NAALADL2: variants seen among roughly 807,000 people sequenced by gnomAD.
NAALADL2 encodes N-acetylated alpha-linked acidic dipeptidase like 2, also known as inactive N-acetylated-alpha-linked acidic dipeptidase-like protein 2.
In NAALADL2, 76 loss-of-function variants were observed where a neutral mutation model predicts 87.2. The ratio of observed to expected loss-of-function variants is 0.87; its 90% CI spans 0.72 to 1.05. The LOEUF (loss-of-function observed/expected upper bound fraction) is 1.05. Ranked by LOEUF, NAALADL2 falls within the 50% of genes least tolerant of loss-of-function variation. The pLI is 0.00. For missense variants in NAALADL2, 1,089 were observed against 945.8 expected (o/e 1.15, Z -1.99); for synonymous variants, 354 against 331.0 (o/e 1.07, Z -0.75).
rs149959608 is a variant in NAALADL2 at position 175,144,380 on chromosome 3, A to T, written c.545+47089A>T. 5.1e-4 allele frequency among the ~76,000 whole-genome samples: 78 copies of T among 152,094 alleles called. No individual in the cohort carries two copies. The East Asian group carries it at 8.5e-3, about 17-fold the overall frequency. On this transcript the variant is annotated intron_variant, in intron 2 of 13. Transcript: ENST00000454872. Reference sequence around the variant, plus strand: ...AAGATTGATTGGAAAACAGGAATTGATTATTGTAGAAAAAGCCCATTCATC... The same window carrying T: ...AAGATTGATTGGAAAACAGGAATTGTTTATTGTAGAAAAAGCCCATTCATC...
At chr3:174,534,832 A>G (rs1241389331) in intron 1 of NAALADL2, among the ~76,000 whole-genome samples, 1 of 152,134 alleles carries the variant, frequency 6.6e-6, no homozygotes, top group Non-Finnish European at 1.5e-5. Context: ...AAAAAAAGTG[A>G]TTTGTTTGGG....
chr3:174,850,841 A>G (rs1166008815), intron 3 of NAALADL2, among the ~76,000 whole-genome samples: 2 of 152,154 alleles, frequency 1.3e-5, no homozygotes, highest in Non-Finnish European at 2.9e-5. Flanking sequence ...AACATTCTCA[A>G]TGATAGACCA....
chr3:174,938,993 G>A (rs1738159320), intron 1 of NAALADL2, among the ~76,000 whole-genome samples: 1 of 151,840 alleles, frequency 6.6e-6, no homozygotes, highest in Non-Finnish European at 1.5e-5. Context: ...CTTTTGCTGT[G>A]CAGAAGCTCT....
intron 2 of NAALADL2, among the ~76,000 whole-genome samples, chr3:174,632,740 C>A (rs1712241245): frequency 6.6e-6 from 1 of 151,810 alleles, no homozygotes; most frequent in Non-Finnish European, 1.5e-5. Flanking sequence ...TCGAGACCAT[C>A]CTGGTCAAAT....
chr3:175,423,032 T>A (rs71629256), intron 5 of NAALADL2, among the ~76,000 whole-genome samples: 12,558 of 39,442 alleles, frequency 0.32, 752 homozygotes, highest in East Asian at 0.38. Context: ...AAAAAAAATA[T>A]ATATATATAT....
intron 1 of NAALADL2, among the ~76,000 whole-genome samples, chr3:175,039,268 G>A (rs1753771970): frequency 6.6e-6 from 1 of 152,122 alleles, no homozygotes; most frequent in Admixed American, 6.6e-5. Flanking sequence ...CTGGGTTCAA[G>A]CAATTCTCCT....
chr3:174,521,101 G>A (rs754558981), intron 1 of NAALADL2, among the ~76,000 whole-genome samples: 22 of 152,146 alleles, frequency 1.4e-4, no homozygotes, highest in Non-Finnish European at 2.5e-4. Context: ...AAACAGTGTG[G>A]AGATGTCTCA....
intron 1 of NAALADL2, among the ~76,000 whole-genome samples, chr3:174,893,671 T>C (rs1003604896): frequency 6.6e-6 from 1 of 152,182 alleles, no homozygotes; most frequent in Admixed American, 6.5e-5. Flanking sequence ...AAATAGTATT[T>C]GCAAGCCTCA....
intron 11 of NAALADL2, among the ~76,000 whole-genome samples, chr3:175,702,425 A>T (rs1176075289): frequency 6.6e-6 from 1 of 152,190 alleles, no homozygotes; most frequent in East Asian, 1.9e-4. Context: ...AAAACATCTT[A>T]AAAGAGAATT....
chr3:175,422,497 A>C (rs1581815052), intron 5 of NAALADL2, among the ~76,000 whole-genome samples: 1 of 152,214 alleles, frequency 6.6e-6, no homozygotes, highest in Non-Finnish European at 1.5e-5. Context: ...ATAACCTTAC[A>C]TAAAGGCTGT....
rs182920910 is a variant in NAALADL2 at position 175,096,146 on chromosome 3, G to C, written c.44-644G>C. Among the ~76,000 whole-genome samples the C allele has an allele frequency of 7.3e-4, 111 of 152,044 alleles. 1 individual carries two copies. The highest frequency in any genetic ancestry group is 3.4e-3 in the Middle Eastern group (1 of 294). On this transcript the variant is annotated intron_variant, in intron 1 of 13. Coordinates refer to ENST00000454872, the MANE Select transcript of NAALADL2 (RefSeq NM_207015.3). Reference sequence around the variant, plus strand: ...TGTCACTAATTTCTTGGGACATCTTGGTCCTCTCTCATACTCTTAAAGTTG... The same window carrying C: ...TGTCACTAATTTCTTGGGACATCTTCGTCCTCTCTCATACTCTTAAAGTTG...
At chr3:174,855,281 C>G (rs1053609417), upstream of NAALADL2, among the ~76,000 whole-genome samples, 1 of 152,064 alleles carries the variant, frequency 6.6e-6, no homozygotes, top group Non-Finnish European at 1.5e-5. Flanking sequence ...GCCATGACAT[C>G]CCTAGGCGAT....
Position 175,228,104 on chromosome 3 carries a change from G to C in NAALADL2, c.546-5827G>C, listed in dbSNP as rs1050285546. On this transcript the variant is annotated intron_variant, in intron 2 of 13. Transcript: ENST00000454872. ...GTATGCATTTTTTATTGATATACTTGTATTTTCTAGGTTTCTATAAAGGTG... is the reference window on the plus strand; with the variant it reads ...GTATGCATTTTTTATTGATATACTTCTATTTTCTAGGTTTCTATAAAGGTG... 2.0e-5 allele frequency among the ~76,000 whole-genome samples: 3 copies of C among 151,854 alleles called. No individual in the cohort carries two copies. The East Asian group carries it at 5.8e-4, about 29-fold the overall frequency.
At chr3:175,205,929 T>TA (rs887247105) in intron 2 of NAALADL2, among the ~76,000 whole-genome samples, 5 of 151,412 alleles carry the variant, frequency 3.3e-5, no homozygotes, top group South Asian at 2.1e-4. Flanking sequence ...ATGGCCATAA[T>TA]AAAAAAATAA....
chr3:175,232,078 T>G (rs1187386406), intron 2 of NAALADL2, among the ~76,000 whole-genome samples: 4 of 151,520 alleles, frequency 2.6e-5, no homozygotes, highest in Admixed American at 1.3e-4. Flanking sequence ...CACTGTTGAC[T>G]GATCCAAGTA....
intron 2 of NAALADL2, among the ~76,000 whole-genome samples, chr3:175,139,671 C>T (rs1451150301): frequency 7.3e-6 from 1 of 136,822 alleles, no homozygotes; most frequent in East Asian, 2.2e-4. Context: ...TTATTCTAAC[C>T]CTATCTTCAG....
chr3:175,251,592 T>A, intron 3 of NAALADL2, among the ~76,000 whole-genome samples: 1 of 152,150 alleles, frequency 6.6e-6, no homozygotes, highest in East Asian at 1.9e-4. Context: ...ACTAGTTGAG[T>A]GAACAGTTTT....
At chr3:175,423,265 C>G (rs1716148811) in intron 5 of NAALADL2, among the ~76,000 whole-genome samples, 2 of 144,240 alleles carry the variant, frequency 1.4e-5, no homozygotes, top group South Asian at 2.2e-4. Context: ...TTTCAGAGTC[C>G]ATTTTTTTTT....
intron 1 of NAALADL2, among the ~76,000 whole-genome samples, chr3:175,042,948 C>A (rs1754254813): frequency 6.6e-6 from 1 of 152,002 alleles, no homozygotes; most frequent in South Asian, 2.1e-4. Flanking sequence ...TTAAAAAAAG[C>A]CTGGCACCTC....
Sources: gnomAD v4.1 joint callset for allele counts (sites outside exome capture counted in the v4.1 genomes callset) on GRCh38, gnomAD v4.1.1 for gene constraint, MANE v1.5 for transcripts, NCBI Gene and HGNC (gene_info 2026-07-23, HGNC 2026-07-21) for gene names.